Variants in MYOM3 observed in about 807,000 individuals in gnomAD.
The protein encoded by MYOM3 is myomesin 3.
A neutral mutation model predicts 191.7 loss-of-function variants in MYOM3; 155 were observed. The ratio of observed to expected loss-of-function variants is 0.81; its 90% confidence interval spans 0.71 to 0.92. The LOEUF (loss-of-function observed/expected upper bound fraction) is 0.92. MYOM3 is among the 40% of genes least tolerant of loss of function. The pLI is 0.00. For missense variants in MYOM3, 1,889 were observed against 1,890.6 expected, an observed-to-expected ratio of 1.00 and a Z score of 0.02; for synonymous variants, 757 against 762.9, an observed-to-expected ratio of 0.99 and a Z score of 0.13.
rs117673951 is a variant in MYOM3, at chr1:24,103,182, G to A, written c.560+2738C>T. Among the ~76,000 whole-genome samples, 115 of 152,368 alleles carry A rather than the reference G, an allele frequency of 7.5e-4. No homozygotes were observed. The East Asian group carries it at 0.019, about 25-fold the overall frequency. On this transcript the variant is annotated intron_variant, in intron 5 of 36. Coordinates refer to ENST00000374434, the MANE Select transcript of MYOM3 (RefSeq NM_152372.4). ...CAATGTGGTCCTCAGTGCCAGGGCC[G>A]CGCAGAGCTTGGCTGCGGGGAGGAC... is the stretch of plus-strand genomic sequence containing the variant.
In MYOM3 at chr1:24,093,013, GC is replaced by G; in HGVS notation, c.1023del (p.Leu342SerfsTer21). On this transcript the variant is annotated frameshift_variant, in exon 10 of 37. Coordinates refer to ENST00000374434, the MANE Select transcript of MYOM3 (RefSeq NM_152372.4). LOFTEE classifies it high-confidence loss of function. ...GGCGAGGGCACCCGGACCATGTAGA[GC>G]CCCTCGTCCTCCTTGTAGGTGCAGG... is the stretch of plus-strand genomic sequence containing the variant. ...KVSCTYKEDE[G>X]LYMVRVPSPF... is the part of the protein sequence containing the mutation. 6.2e-7 allele frequency: 1 copy of G among 1,612,654 alleles called. No homozygotes were observed.
intron 6 of MYOM3, among the ~76,000 whole-genome samples, chr1:24,099,247 A>G (rs1444839141): frequency 6.6e-6 from 1 of 152,224 alleles, no homozygotes. Flanking sequence ...TTGGGTACAT[A>G]AGCACATGTG....
chr1:24,072,906 G>C (rs1441478002), intron 23 of MYOM3, among the ~76,000 whole-genome samples: 1 of 152,210 alleles, frequency 6.6e-6, no homozygotes, highest in African/African-American at 2.4e-5. Context: ...TTTGTACACA[G>C]TAGGTGCTCA....
intron 27 of MYOM3, among the ~76,000 whole-genome samples, chr1:24,067,582 C>G (rs1055043546): frequency 4.6e-5 from 7 of 151,750 alleles, no homozygotes; most frequent in Admixed American, 1.3e-4. Flanking sequence ...GTGGCTCAGC[C>G]TCCTGAGTAG....
chr1:24,096,733 CGTGT>C (rs144797762), intron 7 of MYOM3, among the ~76,000 whole-genome samples: 71 of 150,854 alleles, frequency 4.7e-4, no homozygotes, highest in Non-Finnish European at 8.6e-4. Flanking sequence ...TATGAGTGCA[CGTGT>C]GTGTGTGTGT....
chr1:24,060,953 A>T, intron 35 of MYOM3, 107 bp downstream of exon 35: 1 of 1,272,008 alleles, frequency 7.9e-7, no homozygotes, highest in Non-Finnish European at 1.1e-6. Context: ...AGCCCCACAG[A>T]CCCCACTGTG....
chr1:24,085,268 G>A (rs945512130), intron 15 of MYOM3, among the ~76,000 whole-genome samples: 17 of 139,662 alleles, frequency 1.2e-4, no homozygotes, highest in African/African-American at 4.6e-4. Flanking sequence ...ATGGATGCAT[G>A]GATGGATGGA....
intron 23 of MYOM3, among the ~76,000 whole-genome samples, chr1:24,073,171 C>T (rs943490158): frequency 3.3e-5 from 5 of 152,096 alleles, no homozygotes; most frequent in Admixed American, 6.5e-5. Context: ...GAAACTGAGG[C>T]CCAGGAAGGT....
intron 14 of MYOM3, among the ~76,000 whole-genome samples, chr1:24,089,028 C>T (rs1234581219): frequency 1.3e-5 from 2 of 152,198 alleles, no homozygotes; most frequent in African/African-American, 2.4e-5. Flanking sequence ...GTGAAGTTCA[C>T]TCCACAAGAC....
chr1:24,095,262 G>C (rs1643872752), intron 8 of MYOM3, among the ~76,000 whole-genome samples, 180 bp downstream of exon 8: 1 of 152,218 alleles, frequency 6.6e-6, no homozygotes, highest in Non-Finnish European at 1.5e-5. Flanking sequence ...GCTGGGGACA[G>C]CTCTGGGGTA....
intron 12 of MYOM3, 47 bp from the exon 13 acceptor site, chr1:24,090,165 A>G (rs769980935): frequency 2.7e-6 from 4 of 1,496,072 alleles, no homozygotes; most frequent in Non-Finnish European, 3.7e-6. Context: ...GCACAGGAGG[A>G]GTTAGGCCAG....
chr1:24,099,841 G>T, intron 5 of MYOM3, 66 bp from the exon 6 acceptor site: 1 of 1,132,156 alleles, frequency 8.8e-7, no homozygotes, highest in Non-Finnish European at 1.3e-6. Flanking sequence ...GGAGCCTCTC[G>T]GATGGGGATT....
At chr1:24,108,183 T>C (rs1316737938) in intron 2 of MYOM3, 110 bp from the exon 3 acceptor site, 7 of 1,013,566 alleles carry the variant, frequency 6.9e-6, no homozygotes, top group East Asian at 5.2e-5. Flanking sequence ...CAGGCAGGGC[T>C]GTGCCTCCCT....
intron 15 of MYOM3, among the ~76,000 whole-genome samples, chr1:24,085,917 A>T (rs1475036772): frequency 6.6e-6 from 1 of 152,162 alleles, no homozygotes; most frequent in East Asian, 1.9e-4. Context: ...TCTTCCCCAA[A>T]TGGGACCTTC....
At position 24,064,176 on chromosome 1, in the gene MYOM3, G is replaced by A. The variant is rs1293962362; in HGVS notation, c.3535-17C>T. ...TTTGGACAACTGGAAAGAAGGATGA[G>A]CGATGGTGGTGTCAGCATGGGCTCC... On this transcript the variant is annotated splice_polypyrimidine_tract_variant and intron_variant, in intron 29 of 36. Transcript: ENST00000374434. The A allele has an allele frequency of 1.2e-6, 2 of 1,604,260 alleles. No homozygotes were observed. Among genetic ancestry groups the A allele is most frequent in the East Asian group, 4.5e-5 (2 of 44,828 alleles).
chr1:24,081,694 C>G (rs1643671835), intron 18 of MYOM3: 2 of 594,532 alleles, frequency 3.4e-6, no homozygotes, highest in African/African-American at 1.9e-5. Context: ...TCTCGAGTAG[C>G]CAGGACTACA....
At chr1:24,095,616 A>C (rs527789441) in intron 7 of MYOM3, 130 bp from the exon 8 acceptor site, 2 of 719,450 alleles carry the variant, frequency 2.8e-6, no homozygotes, top group African/African-American at 3.7e-5. Context: ...TGGCTTTGGG[A>C]AAGTTCTTTT....
chr1:24,105,947 T>C lies in MYOM3; in HGVS notation c.533A>G (p.Gln178Arg), dbSNP rs752075608. ...GGTGACCTGGGGTGGTGGTGAGGCC[T>C]GGACAGTGCAGGTCAGCAGGACCGT... Reference protein sequence around the residue: ...HTTVLLTCTVQASPPPQVTWY... With the variant: ...HTTVLLTCTVRASPPPQVTWY... The change falls in exon 5 of 37, where the codon CAG (glutamine) becomes CGG (arginine). Residue 178 changes from glutamine to arginine, a missense_variant. Gln to Arg is a conservative substitution (Grantham distance 43). Transcript: ENST00000374434. 6 of 1,613,464 alleles carry C rather than the reference T, an allele frequency of 3.7e-6. No homozygotes were observed. In the South Asian group the frequency reaches 6.6e-5, roughly 18 times the overall value.
chr1:24,064,122 A>G lies in MYOM3; in HGVS notation c.3572T>C (p.Val1191Ala). Residue 1191 changes from valine to alanine, a missense_variant, in exon 30 of 37, where the codon GTT becomes GCT. Coordinates refer to ENST00000374434, the MANE Select transcript of MYOM3 (RefSeq NM_152372.4). ...GTCGTCCTCCCCTCGATCGTCAGAA[A>G]CCATCGCTCTGTAAATTCCCTTGTC... is the stretch of plus-strand genomic sequence containing the variant. ...KKDKGIYRAM[V>A]SDDRGEDDTI... is the part of the protein sequence containing the mutation. 6.2e-7 allele frequency: 1 copy of G among 1,614,080 alleles called. No individual in the cohort carries two copies. Among genetic ancestry groups the G allele is most frequent in the African/African-American group, 1.3e-5 (1 of 75,048 alleles).
Sources: allele counts gnomAD v4.1 joint callset (sites outside exome capture counted in the v4.1 genomes callset), GRCh38; gene constraint gnomAD v4.1.1; transcripts MANE v1.5; gene names NCBI Gene and HGNC (gene_info 2026-07-23, HGNC 2026-07-21).